The following ADAMTS4 variants were observed in gnomAD, a reference collection of about 807,000 sequenced individuals.
ADAMTS4 encodes the protein A disintegrin and metalloproteinase with thrombospondin motifs 4.
Under a neutral mutation model 66.7 loss-of-function variants are expected in ADAMTS4, and 38 were observed. That is an observed-to-expected ratio of 0.57 (90% CI 0.44 to 0.75). ADAMTS4 has a LOEUF of 0.75. Ranked by LOEUF, ADAMTS4 falls within the 30% of genes least tolerant of loss-of-function variation. The pLI is 0.00. For missense variants in ADAMTS4, 1,014 were observed against 1,116.7 expected (o/e 0.91, Z 1.31); for synonymous variants, 418 against 461.5 (o/e 0.91, Z 1.21).
rs1664540427 is a variant in ADAMTS4 at position 161,186,334 on chromosome 1, C to A, written c.*4804G>T. On this transcript the variant is annotated 3_prime_UTR_variant, in exon 9 of 9. Transcript: ENST00000367996. ...CTTGGAGGTGTGGTAAGGCAGAGAC[C>A]ATTCCAGAAAAGGGTCAGGCCTTGC... 1 of 152,224 alleles carries A rather than the reference C, an allele frequency of 6.6e-6. No individual in the cohort carries two copies. The highest frequency in any genetic ancestry group is 2.4e-5 in the African/African-American group (1 of 41,452). 9.4% of individuals were successfully genotyped at this position (152,224 alleles called of 1,614,324 possible).
Position 161,191,032 on chromosome 1 carries a change from G to A in ADAMTS4, c.*106C>T. ...AGGAGGGGCAGGTCTCACGCCCACA[G>A]CCCCTCCCCACTGAGTCTTAGCATG... On this transcript the variant is annotated 3_prime_UTR_variant, in exon 9 of 9. Transcript: ENST00000367996. The A allele has an allele frequency of 7.5e-7, 1 of 1,325,336 alleles. No individual in the cohort carries two copies. The highest frequency in any genetic ancestry group is 1.5e-5 in the South Asian group (1 of 67,518). 82.1% of individuals were successfully genotyped at this position (1,325,336 alleles called of 1,614,324 possible).
Position 161,193,917 on chromosome 1 carries a change from C to T in ADAMTS4, c.1548+18G>A. 1 of 1,565,114 alleles carries T rather than the reference C, an allele frequency of 6.4e-7. No individual in the cohort carries two copies. The highest frequency in any genetic ancestry group is 1.3e-5 in the African/African-American group (1 of 74,104). ...ACACCCCCGGGCCCTTTACCCCACC[C>T]CTGCCCTAGGATCTCACATTGAAGT... On this transcript the variant is annotated intron_variant, in intron 5 of 8. Transcript: ENST00000367996. This position sits in a 1 kb window ranked among gnomAD's most constrained non-coding sequence, Gnocchi z 4.4.
rs1374696430 is a variant in ADAMTS4, at chr1:161,190,182, G to T, written c.*956C>A. 1 of 152,138 alleles carries T rather than the reference G, an allele frequency of 6.6e-6. No homozygotes were observed. The highest frequency in any genetic ancestry group is 2.4e-5 in the African/African-American group (1 of 41,420). The allele number at this position is 152,138 out of a possible 1,614,324, so 9.4% of individuals were successfully genotyped here. ...AGCCTGGCCAACATGGTGAAACCCC[G>T]TCTCTACTAAAAATACAAAAATTAG... On this transcript the variant is annotated 3_prime_UTR_variant, in exon 9 of 9. Coordinates refer to ENST00000367996, the MANE Select transcript of ADAMTS4 (RefSeq NM_005099.6).
intron 2 of ADAMTS4, 30 bp from the exon 3 acceptor site, chr1:161,196,333 G>C: frequency 3.2e-6 from 5 of 1,576,404 alleles, no homozygotes; most frequent in Non-Finnish European, 4.3e-6. Flanking sequence ...AAGGTGCATA[G>C]ACAGCCAAGA....
At chr1:161,197,008 G>T in intron 1 of ADAMTS4, 128 bp from the exon 2 acceptor site, 1 of 886,268 alleles carries the variant, frequency 1.1e-6, no homozygotes. Context: ...ACACCCCACG[G>T]GATTCCTGAC....
Position 161,185,685 on chromosome 1 carries a change from C to T in ADAMTS4, c.*5453G>A, listed in dbSNP as rs1373451115. ...AGATGCTAGTTTTGTCACTTACTGC[C>T]AATCTGGTATTTTAGAAAACAAAAT... On this transcript the variant is annotated 3_prime_UTR_variant, in exon 9 of 9. Transcript: ENST00000367996. 2 of 152,164 alleles carry T rather than the reference C, an allele frequency of 1.3e-5. No homozygotes were observed. The highest frequency in any genetic ancestry group is 2.1e-4 in the South Asian group (1 of 4,818). 9.4% of individuals were successfully genotyped at this position (152,164 alleles called of 1,614,324 possible). A position where few individuals can be genotyped will look rare whatever the true frequency, so the allele number is the denominator to read the frequency against.
intron 3 of ADAMTS4, 103 bp downstream of exon 3, chr1:161,196,067 TG>T: frequency 7.1e-7 from 1 of 1,412,694 alleles, no homozygotes; most frequent in Non-Finnish European, 9.6e-7. Flanking sequence ...TACCTAGGCC[TG>T]GGGGAAGAAT....
Position 161,196,897 on chromosome 1 carries a change from A to G in ADAMTS4, c.634-17T>C, listed in dbSNP as rs1016459615. 11 of 1,568,226 alleles carry G rather than the reference A, an allele frequency of 7.0e-6. No homozygotes were observed. The Admixed American group carries it at 1.6e-4, about 23-fold the overall frequency. On this transcript the variant is annotated splice_polypyrimidine_tract_variant and intron_variant, in intron 1 of 8. Transcript: ENST00000367996. ...AGCAAAGCGCTGTAGAGAAAAAGGG[A>G]GAGGAAGATCCTGAAATAGCCTCTC...
Position 161,196,546 on chromosome 1 carries a change from TG to T in ADAMTS4, c.957+10del. Reference sequence around the variant, plus strand: ...GCAGTGCATGGCCTGCGGTGCTGACTGGGGCCTCACCTGACGGGTAAACAGA... The same window carrying T: ...GCAGTGCATGGCCTGCGGTGCTGACTGGGCCTCACCTGACGGGTAAACAGA... On this transcript the variant is annotated intron_variant, in intron 2 of 8. Transcript: ENST00000367996. 6.2e-7 allele frequency: 1 copy of T among 1,613,450 alleles called. No individual in the cohort carries two copies. Among genetic ancestry groups the T allele is most frequent in the Non-Finnish European group, 8.5e-7 (1 of 1,179,660 alleles).
At position 161,191,225 on chromosome 1, in the gene ADAMTS4, C is replaced by T. The variant is rs780587893; in HGVS notation, c.2427G>A (p.Thr809=). 67 of 1,612,646 alleles carry T rather than the reference C, an allele frequency of 4.2e-5. No individual in the cohort carries two copies. Among genetic ancestry groups the T allele is most frequent in the Admixed American group, 1.0e-4 (6 of 59,948 alleles). The part of the protein sequence containing the change: ...SFFVPRPTPS[T]PRPTPQDWLH... ...GCCAGTCCTGGGGAGTGGGGCGTGG[C>T]GTTGAAGGGGTCGGCCGGGGCACGA... The change falls in exon 9 of 9, where the codon ACG becomes ACA. Residue 809 remains threonine (T), a synonymous_variant. Coordinates refer to ENST00000367996, the MANE Select transcript of ADAMTS4 (RefSeq NM_005099.6).
intron 3 of ADAMTS4, 67 bp downstream of exon 3, chr1:161,196,104 G>A: frequency 2.6e-6 from 4 of 1,521,862 alleles, no homozygotes; most frequent in Non-Finnish European, 3.5e-6. Flanking sequence ...TTAACACTGT[G>A]GTGAACTTGC....
At chr1:161,196,986 G>A (rs1664868760) in intron 1 of ADAMTS4, 106 bp from the exon 2 acceptor site, 2 of 1,096,824 alleles carry the variant, frequency 1.8e-6, no homozygotes, top group Non-Finnish European at 1.3e-6. Flanking sequence ...AGCATAGTCA[G>A]CTGGGCCCCA....
chr1:161,186,562 G>A lies in ADAMTS4; in HGVS notation c.*4576C>T, dbSNP rs1226494674. ...TTCTCTTAAAATAACAGGCAGAAAAGTGATTTAAAAGTGAATCTACACCTG... is the reference window on the plus strand; with the variant it reads ...TTCTCTTAAAATAACAGGCAGAAAAATGATTTAAAAGTGAATCTACACCTG... On this transcript the variant is annotated 3_prime_UTR_variant, in exon 9 of 9. Coordinates refer to ENST00000367996, the MANE Select transcript of ADAMTS4 (RefSeq NM_005099.6). 1 of 152,040 alleles carries A rather than the reference G, an allele frequency of 6.6e-6. No individual in the cohort carries two copies. Among genetic ancestry groups the A allele is most frequent in the Admixed American group, 6.6e-5 (1 of 15,266 alleles). The allele number at this position is 152,040 out of a possible 1,614,324, so 9.4% of individuals were successfully genotyped here.
chr1:161,191,405 T>C lies in ADAMTS4; in HGVS notation c.2247A>G (p.Thr749=). Residue 749 remains threonine (T), a synonymous_variant, in exon 9 of 9, where the codon ACA becomes ACG. Transcript: ENST00000367996. ...NGEYTLMPSP[T]DVVLPGAVSL... ...TGACTGCCCCAGGCAGTACCACATC[T>C]GTGGGGGAGGGCATCAGCGTGTATT... The C allele has an allele frequency of 1.2e-6, 2 of 1,614,096 alleles. No homozygotes were observed. The highest frequency in any genetic ancestry group is 2.2e-5 in the South Asian group (2 of 91,088).
rs1212381395 is a variant in ADAMTS4, at chr1:161,191,372, G to A, written c.2280C>T (p.Arg760=). ...DVVLPGAVSL[R]YSGATAASET... is the part of the protein sequence containing the mutation. ...CTGAGGCTGCAGTGGCCCCGCTGTA[G>A]CGCAAGCTGACTGCCCCAGGCAGTA... The change falls in exon 9 of 9, where the codon CGC becomes CGT. Residue 760 remains arginine, a synonymous_variant. Coordinates refer to ENST00000367996, the MANE Select transcript of ADAMTS4 (RefSeq NM_005099.6). 1.2e-6 allele frequency: 2 copies of A among 1,613,954 alleles called. No homozygotes were observed. The highest frequency in any genetic ancestry group is 1.3e-5 in the African/African-American group (1 of 74,950).
chr1:161,191,385 G>T lies in ADAMTS4; in HGVS notation c.2267C>A (p.Ala756Glu). 3 of 1,614,050 alleles carry T rather than the reference G, an allele frequency of 1.9e-6. No homozygotes were observed. Among genetic ancestry groups the T allele is most frequent in the East Asian group, 2.2e-5 (1 of 44,890 alleles). Residue 756 changes from alanine to glutamate, a missense_variant, in exon 9 of 9, where the codon GCA (alanine) becomes GAA (glutamate). Ala to Glu is a moderately radical substitution (Grantham distance 107). Coordinates refer to ENST00000367996, the MANE Select transcript of ADAMTS4 (RefSeq NM_005099.6). ...PSPTDVVLPGAVSLRYSGATA... is the reference protein window; with the variant it reads ...PSPTDVVLPGEVSLRYSGATA... Reference sequence around the variant, plus strand: ...GGCCCCGCTGTAGCGCAAGCTGACTGCCCCAGGCAGTACCACATCTGTGGG... The same window carrying T: ...GGCCCCGCTGTAGCGCAAGCTGACTTCCCCAGGCAGTACCACATCTGTGGG...
Position 161,191,233 on chromosome 1 carries a change from G to T in ADAMTS4, c.2419C>A (p.Pro807Thr), listed in dbSNP as rs1284216003. ...RYSFFVPRPTPSTPRPTPQDW... is the reference protein window; with the variant it reads ...RYSFFVPRPTTSTPRPTPQDW... ...TGGGGAGTGGGGCGTGGCGTTGAAG[G>T]GGTCGGCCGGGGCACGAAGAAGCTG... Residue 807 changes from proline (P) to threonine (T), a missense_variant, in exon 9 of 9, where the codon CCT becomes ACT. Coordinates refer to ENST00000367996, the MANE Select transcript of ADAMTS4 (RefSeq NM_005099.6). 7.4e-6 allele frequency: 12 copies of T among 1,613,146 alleles called. No homozygotes were observed. The highest frequency in any genetic ancestry group is 1.0e-5 in the Non-Finnish European group (12 of 1,179,620).
In ADAMTS4 at chr1:161,185,572, G is replaced by A. The variant is rs1164044457; in HGVS notation, c.*5566C>T. 1 of 152,056 alleles carries A rather than the reference G, an allele frequency of 6.6e-6. No individual in the cohort carries two copies. The highest frequency in any genetic ancestry group is 1.5e-5 in the Non-Finnish European group (1 of 68,016). 9.4% of individuals were successfully genotyped at this position (152,056 alleles called of 1,614,324 possible). On this transcript the variant is annotated 3_prime_UTR_variant, in exon 9 of 9. Transcript: ENST00000367996. ...AGTCAATGGGGAAGGTACTCAATTGGTTCAGAAACATCCTCTCAGCCAATA... is the reference window on the plus strand; with the variant it reads ...AGTCAATGGGGAAGGTACTCAATTGATTCAGAAACATCCTCTCAGCCAATA...
At position 161,196,899 on chromosome 1, in the gene ADAMTS4, A is replaced by C; in HGVS notation, c.634-19T>G. 1.3e-6 allele frequency: 2 copies of C among 1,567,360 alleles called. No individual in the cohort carries two copies. The highest frequency in any genetic ancestry group is 1.7e-6 in the Non-Finnish European group (2 of 1,160,254). ...CAAAGCGCTGTAGAGAAAAAGGGAG[A>C]GGAAGATCCTGAAATAGCCTCTCAG... On this transcript the variant is annotated intron_variant, in intron 1 of 8. Coordinates refer to ENST00000367996, the MANE Select transcript of ADAMTS4 (RefSeq NM_005099.6).
Sources: gnomAD v4.1 joint callset for allele counts on GRCh38, gnomAD v4.1.1 for gene constraint, Gnocchi (gnomAD v3.1) non-coding constraint, MANE v1.5 for transcripts, NCBI Gene and HGNC (gene_info 2026-07-23, HGNC 2026-07-21) for gene names.